The following ELAPOR1 variants were observed in gnomAD, a reference collection of about 807,000 sequenced individuals.
ELAPOR1 encodes endosome-lysosome associated apoptosis and autophagy regulator 1, also known as endosome/lysosome-associated apoptosis and autophagy regulator 1.
ELAPOR1 carries 77 observed loss-of-function variants against 119.7 expected under a neutral mutation model. That is an observed-to-expected ratio of 0.64 (90% CI 0.54 to 0.78). The LOEUF is 0.78. ELAPOR1 is among the 30% of genes least tolerant of loss of function. The pLI, the probability that ELAPOR1 is intolerant of heterozygous loss-of-function variation, is 0.00. For synonymous variants in ELAPOR1, 481 were observed against 487.2 expected, an observed-to-expected ratio of 0.99 and a Z score of 0.17; for missense variants, 1,115 against 1,270.4, an observed-to-expected ratio of 0.88 and a Z score of 1.86.
At chr1:109,179,447 C>T (rs1187844049) in intron 7 of ELAPOR1, among the ~76,000 whole-genome samples, 1 of 150,954 alleles carries the variant, frequency 6.6e-6, no homozygotes, top group Non-Finnish European at 1.5e-5. Context: ...GAGCAAAGGC[C>T]AGAAAGCTCA....
intron 1 of ELAPOR1, among the ~76,000 whole-genome samples, chr1:109,123,146 A>G (rs1377965469): frequency 1.3e-5 from 2 of 152,206 alleles, no homozygotes; most frequent in Non-Finnish European, 2.9e-5. Flanking sequence ...TGCTTCACCC[A>G]GAGGTCTGAC....
chr1:109,194,327 CG>C (rs1653639309), intron 14 of ELAPOR1, 93 bp from the exon 15 acceptor site: 1 of 1,123,742 alleles, frequency 8.9e-7, no homozygotes. Context: ...CCCATTTGGG[CG>C]GGACCAGACG....
In ELAPOR1 at chr1:109,144,061, A is replaced by ATTTTT. The variant is rs71069655; in HGVS notation, c.154-17822_154-17818dup. ...TATATATATATATATATATTTATAT[A>ATTTTT]TTTTTTTTTTTTTTTGAGATGGAGT... On this transcript the variant is annotated intron_variant, in intron 1 of 21. Transcript: ENST00000369939. Among the ~76,000 whole-genome samples, 433 of 88,868 alleles carry ATTTTT rather than the reference A, an allele frequency of 4.9e-3. 12 individuals carry two copies. The highest frequency in any genetic ancestry group is 0.016 in the East Asian group (54 of 3,320). 58.3% of individuals were successfully genotyped at this position (88,868 alleles called of 152,430 possible).
intron 1 of ELAPOR1, among the ~76,000 whole-genome samples, chr1:109,152,241 C>G (rs1650580256): frequency 1.3e-5 from 2 of 152,320 alleles, no homozygotes; most frequent in South Asian, 4.1e-4. Context: ...AGAAACTTCT[C>G]TTCTGAAAGC....
At chr1:109,139,738 A>G (rs1428774628) in intron 1 of ELAPOR1, among the ~76,000 whole-genome samples, 5 of 152,128 alleles carry the variant, frequency 3.3e-5, no homozygotes, top group Non-Finnish European at 7.4e-5. Context: ...GCCAATTTCT[A>G]TCTGATGTTA....
Position 109,172,545 on chromosome 1 carries a change from G to A in ELAPOR1, c.673G>A (p.Glu225Lys). The A allele has an allele frequency of 6.2e-7, 1 of 1,613,724 alleles. No homozygotes were observed. The highest frequency in any genetic ancestry group is 8.5e-7 in the Non-Finnish European group (1 of 1,179,640). ...TGACTCCAGGTGGATGAAGACCACAGAGAAAGGATGGGAATTCCACAGTGT... is the reference window on the plus strand; with the variant it reads ...TGACTCCAGGTGGATGAAGACCACAAAGAAAGGATGGGAATTCCACAGTGT... ...ADDSRWMKTTEKGWEFHSVEL... is the reference protein window; with the variant it reads ...ADDSRWMKTTKKGWEFHSVEL... The change falls in exon 5 of 22, where the codon GAG (glutamate) becomes AAG (lysine). Residue 225 changes from glutamate to lysine, a missense_variant. Glu to Lys is a moderately conservative substitution (Grantham distance 56). Coordinates refer to ENST00000369939, the MANE Select transcript of ELAPOR1 (RefSeq NM_020775.5).
chr1:109,121,659 A>G (rs1376842830), intron 1 of ELAPOR1, among the ~76,000 whole-genome samples: 1 of 152,198 alleles, frequency 6.6e-6, no homozygotes, highest in African/African-American at 2.4e-5. Flanking sequence ...AAACTCTGAC[A>G]AAAGAACATT....
intron 10 of ELAPOR1, 141 bp downstream of exon 10, chr1:109,189,335 A>G: frequency 1.8e-6 from 2 of 1,108,808 alleles, no homozygotes; most frequent in East Asian, 2.6e-5. Context: ...TCCACTCCTC[A>G]TGGACATATG....
intron 15 of ELAPOR1, among the ~76,000 whole-genome samples, chr1:109,196,545 A>T (rs1653803299): frequency 6.6e-6 from 1 of 152,032 alleles, no homozygotes; most frequent in Non-Finnish European, 1.5e-5. Flanking sequence ...AATGCTTATG[A>T]TGTACTGCCA....
chr1:109,191,558 C>A (rs947534486), intron 12 of ELAPOR1, 87 bp downstream of exon 12: 4 of 1,370,150 alleles, frequency 2.9e-6, no homozygotes, highest in Non-Finnish European at 4.1e-6. Flanking sequence ...GTGACTGACA[C>A]CCCCCCTTGT....
Position 109,197,678 on chromosome 1 carries a change from C to G in ELAPOR1, c.2302+24C>G, listed in dbSNP as rs569919839. The G allele has an allele frequency of 2.7e-5, 40 of 1,478,768 alleles. No homozygotes were observed. The South Asian group carries it at 4.6e-4, about 17-fold the overall frequency. 91.6% of individuals were successfully genotyped at this position (1,478,768 alleles called of 1,614,324 possible). On this transcript the variant is annotated intron_variant, in intron 16 of 21. Transcript: ENST00000369939. ...TGGTGAGTAACTCCGCTGCCTCAGCCTTGTTTGAGAGTGTGTGTGTGTGTG... is the reference window on the plus strand; with the variant it reads ...TGGTGAGTAACTCCGCTGCCTCAGCGTTGTTTGAGAGTGTGTGTGTGTGTG...
chr1:109,162,620 T>A (rs1379114467), intron 2 of ELAPOR1, among the ~76,000 whole-genome samples: 2 of 152,194 alleles, frequency 1.3e-5, no homozygotes, highest in African/African-American at 4.8e-5. Flanking sequence ...CTTTTAGGAA[T>A]GCAAAGGGAA....
Position 109,171,984 on chromosome 1 carries a change from C to A in ELAPOR1, c.586C>A (p.Pro196Thr). 6.2e-7 allele frequency: 1 copy of A among 1,614,220 alleles called. No homozygotes were observed. Among genetic ancestry groups the A allele is most frequent in the Non-Finnish European group, 8.5e-7 (1 of 1,180,038 alleles). The change falls in exon 4 of 22, where the codon CCA becomes ACA. Residue 196 changes from proline (P) to threonine (T), a missense_variant. Pro to Thr is a conservative substitution (Grantham distance 38). Coordinates refer to ENST00000369939, the MANE Select transcript of ELAPOR1 (RefSeq NM_020775.5). ...CACCGTTAACTTCGAATACTACTAT[C>A]CAGACTCCAGCATCATCTTTGAGTT... ...SGTVNFEYYY[P>T]DSSIIFEFFV...
At position 109,200,066 on chromosome 1, in the gene ELAPOR1, C is replaced by G; in HGVS notation, c.2636C>G (p.Thr879Ser). The G allele has an allele frequency of 6.2e-7, 1 of 1,614,148 alleles. No homozygotes were observed. Among genetic ancestry groups the G allele is most frequent in the Non-Finnish European group, 8.5e-7 (1 of 1,179,994 alleles). The change falls in exon 20 of 22, where the codon ACT becomes AGT. Residue 879 changes from threonine to serine, a missense_variant. Thr to Ser is a moderately conservative substitution (Grantham distance 58). Coordinates refer to ENST00000369939, the MANE Select transcript of ELAPOR1 (RefSeq NM_020775.5). ...SSCVAGIQKTTYVWREPKLCS... is the reference protein window; with the variant it reads ...SSCVAGIQKTSYVWREPKLCS... The stretch of plus-strand genomic sequence containing the variant: ...TGTTTTTCTCCCCAACAGAAGACTA[C>G]TTACGTGTGGCGAGAACCCAAGCTA...
At chr1:109,170,773 G>A (rs1651873063) in intron 3 of ELAPOR1, among the ~76,000 whole-genome samples, 2 of 152,342 alleles carry the variant, frequency 1.3e-5, no homozygotes, top group Non-Finnish European at 2.9e-5. Flanking sequence ...AGAGGGCTTG[G>A]AGGATGTGGG....
At chr1:109,196,740 T>C (rs1653820617) in intron 15 of ELAPOR1, among the ~76,000 whole-genome samples, 1 of 151,760 alleles carries the variant, frequency 6.6e-6, no homozygotes, top group Non-Finnish European at 1.5e-5. Context: ...TAGAGTGCAG[T>C]GGCACGATCT....
intron 1 of ELAPOR1, among the ~76,000 whole-genome samples, chr1:109,126,706 A>G (rs1648806278): frequency 6.6e-6 from 1 of 152,124 alleles, no homozygotes; most frequent in Non-Finnish European, 1.5e-5. Flanking sequence ...CCTGACCTCA[A>G]GTGATCCGCC....
At chr1:109,185,532 A>G (rs1453032075) in intron 8 of ELAPOR1, among the ~76,000 whole-genome samples, 1 of 152,058 alleles carries the variant, frequency 6.6e-6, no homozygotes, top group Non-Finnish European at 1.5e-5. Context: ...ATTCCTGCCT[A>G]TGGTCTGACT....
Position 109,198,659 on chromosome 1 carries a change from G to T in ELAPOR1, c.2486G>T (p.Ser829Ile). Reference sequence around the variant, plus strand: ...AGTCCACAGAAAACTGTCCCTGGAAGTTTGCTGCTGCCAGGGTAAGCCCTG... The same window carrying T: ...AGTCCACAGAAAACTGTCCCTGGAATTTTGCTGCTGCCAGGGTAAGCCCTG... ...RCSPQKTVPG[S>I]LLLPGTCSDG... The change falls in exon 18 of 22, where the codon AGT becomes ATT. Residue 829 changes from serine to isoleucine, a missense_variant. Ser to Ile is a moderately radical substitution (Grantham distance 142, BLOSUM62 -2). Transcript: ENST00000369939. 6.2e-7 allele frequency: 1 copy of T among 1,613,418 alleles called. No homozygotes were observed. Among genetic ancestry groups the T allele is most frequent in the Non-Finnish European group, 8.5e-7 (1 of 1,179,770 alleles).
Sources: allele counts gnomAD v4.1 joint callset (sites outside exome capture counted in the v4.1 genomes callset), GRCh38; gene constraint gnomAD v4.1.1; transcripts MANE v1.5; gene names NCBI Gene and HGNC (gene_info 2026-07-23, HGNC 2026-07-21).